The following MACROD2 variants were observed in gnomAD, a reference collection of about 807,000 sequenced individuals.
The protein encoded by MACROD2 is mono-ADP ribosylhydrolase 2.
Under a neutral mutation model 70.4 loss-of-function variants are expected in MACROD2, and 36 were observed. That is an observed-to-expected ratio of 0.51 (90% CI 0.39 to 0.68). The LOEUF (loss-of-function observed/expected upper bound fraction) is 0.68, where lower values mean the gene tolerates loss of function less well. Ranked by LOEUF, MACROD2 falls within the 30% of genes least tolerant of loss-of-function variation. The probability of loss-of-function intolerance (pLI) is 0.00; values close to 1 mark genes in which losing one functional copy is unlikely to be tolerated. For synonymous variants in MACROD2, 172 were observed against 178.8 expected (o/e 0.96, Z 0.30); for missense variants, 496 against 538.4 (o/e 0.92, Z 0.78).
At position 15,771,631 on chromosome 20, in the gene MACROD2, A is replaced by G. The variant is rs182162155; in HGVS notation, c.646-91114A>G. On this transcript the variant is annotated intron_variant, in intron 8 of 17. Transcript: ENST00000684519. The stretch of plus-strand genomic sequence containing the variant: ...CATGTATGCATATGTATGTATGTGT[A>G]TGTAGATGTATGTATGCATGTATGT... 1.2e-3 allele frequency among the ~76,000 whole-genome samples: 182 copies of G among 152,196 alleles called. 1 individual carries two copies. Among genetic ancestry groups the G allele is most frequent in the South Asian group, 3.7e-3 (18 of 4,826 alleles).
chr20:14,320,532 A>AAAGTTAAATC (rs2082649490), intron 3 of MACROD2, among the ~76,000 whole-genome samples: 3 of 152,136 alleles, frequency 2.0e-5, no homozygotes, highest in African/African-American at 7.2e-5. Flanking sequence ...AACACACTAC[A>AAAGTTAAATC]AAGCCTAATG....
At chr20:15,542,777 G>GC (rs2047974654) in intron 8 of MACROD2, among the ~76,000 whole-genome samples, 1 of 152,126 alleles carries the variant, frequency 6.6e-6, no homozygotes, top group South Asian at 2.1e-4. Context: ...TTTGACCTTT[G>GC]CCTTTCCCTG....
chr20:15,077,198 TG>T (rs1416957404), intron 5 of MACROD2, among the ~76,000 whole-genome samples: 2 of 152,316 alleles, frequency 1.3e-5, no homozygotes, highest in Non-Finnish European at 2.9e-5. Context: ...CTCCTTTTTT[TG>T]TTTGTTTGTT....
intron 3 of MACROD2, among the ~76,000 whole-genome samples, chr20:14,456,409 A>T (rs1449500117): frequency 6.6e-6 from 1 of 151,864 alleles, no homozygotes; most frequent in Non-Finnish European, 1.5e-5. Flanking sequence ...CAGATACTTC[A>T]AAAAGAGCTC....
chr20:15,988,908 G>C (rs1050460501), intron 15 of MACROD2, among the ~76,000 whole-genome samples: 1 of 152,098 alleles, frequency 6.6e-6, no homozygotes, highest in Non-Finnish European at 1.5e-5. Flanking sequence ...GCATCCAAGT[G>C]AAAAGTACTC....
At chr20:15,207,684 G>T (rs1555792661) in intron 5 of MACROD2, among the ~76,000 whole-genome samples, 1 of 151,554 alleles carries the variant, frequency 6.6e-6, no homozygotes, top group Non-Finnish European at 1.5e-5. Flanking sequence ...CTCGTGATCT[G>T]CCCACCTCGG....
intron 8 of MACROD2, among the ~76,000 whole-genome samples, chr20:15,593,251 A>G (rs1320241450): frequency 6.6e-6 from 1 of 152,146 alleles, no homozygotes; most frequent in Non-Finnish European, 1.5e-5. Context: ...TAATTCTGAC[A>G]CCTTGAGTCT....
At chr20:15,018,997 C>A (rs947275075) in intron 5 of MACROD2, among the ~76,000 whole-genome samples, 21 of 152,138 alleles carry the variant, frequency 1.4e-4, no homozygotes, top group African/African-American at 3.4e-4. Flanking sequence ...GAATCATTGG[C>A]CAAATTTAAC....
intron 4 of MACROD2, among the ~76,000 whole-genome samples, chr20:14,549,932 C>CTT (rs572493726): frequency 1.4e-5 from 2 of 143,518 alleles, no homozygotes; most frequent in South Asian, 2.2e-4. Flanking sequence ...TGAATTACAC[C>CTT]TTTTTTTTTT....
At chr20:15,842,827 C>T (rs1020920285) in intron 8 of MACROD2, among the ~76,000 whole-genome samples, 1 of 152,024 alleles carries the variant, frequency 6.6e-6, no homozygotes, top group Non-Finnish European at 1.5e-5. Flanking sequence ...AACACTTTAC[C>T]TCCTTTGCCC....
At chr20:14,283,859 C>G (rs2082325024) in intron 3 of MACROD2, among the ~76,000 whole-genome samples, 1 of 152,104 alleles carries the variant, frequency 6.6e-6, no homozygotes, top group African/African-American at 2.4e-5. Flanking sequence ...TTTCCTGTAT[C>G]CCAAACTTAA....
chr20:15,580,896 A>G (rs978338428), intron 8 of MACROD2, among the ~76,000 whole-genome samples: 3 of 152,210 alleles, frequency 2.0e-5, no homozygotes, highest in Admixed American at 6.5e-5. Context: ...ACAATGGCAT[A>G]GGATAAAGTC....
intron 5 of MACROD2, among the ~76,000 whole-genome samples, chr20:15,228,420 A>G (rs181924198): frequency 2.0e-5 from 3 of 152,200 alleles, no homozygotes; most frequent in East Asian, 1.9e-4. Flanking sequence ...TCTTTTCTCA[A>G]ACATCAAATA....
In MACROD2 at chr20:15,853,652, C is replaced by T. The variant is rs576453961; in HGVS notation, c.646-9093C>T. On this transcript the variant is annotated intron_variant, in intron 8 of 17. Coordinates refer to ENST00000684519, the MANE Select transcript of MACROD2 (RefSeq NM_001351661.2). Reference sequence around the variant, plus strand: ...GTCAACCAGCAAGGAAATGAAGACCCCCATCCTGCAACTGCAAGGAACTGA... The same window carrying T: ...GTCAACCAGCAAGGAAATGAAGACCTCCATCCTGCAACTGCAAGGAACTGA... 7.2e-5 allele frequency among the ~76,000 whole-genome samples: 11 copies of T among 152,116 alleles called. No homozygotes were observed. In the South Asian group the frequency reaches 2.3e-3, roughly 32 times the overall value.
intron 8 of MACROD2, among the ~76,000 whole-genome samples, chr20:15,651,355 A>G (rs569389931): frequency 7.2e-5 from 11 of 152,328 alleles, no homozygotes; most frequent in Admixed American, 2.0e-4. Context: ...TATTTCTAAC[A>G]AAGGATCTTA....
chr20:14,971,552 A>G (rs2074691624), intron 5 of MACROD2, among the ~76,000 whole-genome samples: 1 of 152,186 alleles, frequency 6.6e-6, no homozygotes, highest in Admixed American at 6.5e-5. Context: ...GGGGCTTAAA[A>G]TAATGTATCA....
chr20:15,843,039 C>T (rs1003272982), intron 8 of MACROD2, among the ~76,000 whole-genome samples: 1 of 152,120 alleles, frequency 6.6e-6, no homozygotes, highest in Admixed American at 6.6e-5. Context: ...GACCCTTTTC[C>T]TCACCACTTG....
chr20:15,860,154 A>C (rs967306689), intron 8 of MACROD2, among the ~76,000 whole-genome samples: 9 of 152,190 alleles, frequency 5.9e-5, no homozygotes, highest in Admixed American at 4.6e-4. Flanking sequence ...AACACACACA[A>C]AAAAGTACAC....
At chr20:14,495,836 G>T (rs548456525) in intron 4 of MACROD2, among the ~76,000 whole-genome samples, 1 of 151,918 alleles carries the variant, frequency 6.6e-6, no homozygotes, top group East Asian at 1.9e-4. Flanking sequence ...AATTTGTCAC[G>T]ATTTATAATT....
Sources: gnomAD v4.1 joint callset for allele counts (sites outside exome capture counted in the v4.1 genomes callset) on GRCh38, gnomAD v4.1.1 for gene constraint, MANE v1.5 for transcripts, NCBI Gene and HGNC (gene_info 2026-07-23, HGNC 2026-07-21) for gene names.